AP3B1: variants seen among roughly 807,000 people sequenced by gnomAD.
AP3B1 encodes the protein AP-3 complex subunit beta-1.
AP3B1 carries 61 observed loss-of-function variants against 132.5 expected under a neutral mutation model. That is an observed-to-expected ratio of 0.46 (90% CI 0.37 to 0.57). The LOEUF (loss-of-function observed/expected upper bound fraction) is 0.57, where lower values mean the gene tolerates loss of function less well. Among genes scored for constraint, AP3B1 ranks in the 20% least tolerant of loss-of-function variants. The pLI, the probability that AP3B1 is intolerant of heterozygous loss-of-function variation, is 0.00. For missense variants in AP3B1, 1,120 were observed against 1,289.4 expected, an observed-to-expected ratio of 0.87 and a Z score of 2.01; for synonymous variants, 388 against 438.3, an observed-to-expected ratio of 0.89 and a Z score of 1.43.
chr5:78,233,842 C>T (rs1746761035), intron 3 of AP3B1, among the ~76,000 whole-genome samples: 1 of 151,666 alleles, frequency 6.6e-6, no homozygotes, highest in Admixed American at 6.6e-5. Flanking sequence ...CAAACAGGGG[C>T]ATGTTCCTAA....
In AP3B1 at chr5:78,216,102, T is replaced by G. The variant is rs1271543780; in HGVS notation, c.739A>C (p.Met247Leu). The G allele has an allele frequency of 3.1e-6, 5 of 1,613,932 alleles. No homozygotes were observed. Among genetic ancestry groups the G allele is most frequent in the Non-Finnish European group, 3.4e-6 (4 of 1,179,934 alleles). ...TGTGTCCGAGCATATCGAGTTAGCA[T>G]GTGGATTATGACAACCTGCCCCCAC... The part of the protein sequence containing the change: ...EEWGQVVIIH[M>L]LTRYARTQFV... Residue 247 changes from methionine to leucine, a missense_variant, in exon 7 of 27, where the codon ATG (methionine) becomes CTG (leucine). Physicochemically the swap from Met to Leu is conservative, Grantham distance 15. Around this residue, in one of 3 missense-constraint regions of AP3B1, gnomAD observed 906 missense variants for 997.1 expected, o/e 0.91. Transcript: ENST00000255194.
intron 22 of AP3B1, among the ~76,000 whole-genome samples, chr5:78,058,580 C>A (rs182071201): frequency 1.2e-4 from 19 of 152,164 alleles, no homozygotes; most frequent in Non-Finnish European, 2.1e-4. Context: ...AATTTCCTGA[C>A]CTGAAGCATC....
intron 20 of AP3B1, among the ~76,000 whole-genome samples, chr5:78,101,603 C>T (rs376961971): frequency 1.6e-4 from 24 of 152,158 alleles, no homozygotes; most frequent in African/African-American, 5.5e-4. Flanking sequence ...GACTCACTCA[C>T]TTGATCTACT....
At chr5:78,207,710 G>GA (rs201601408) in intron 7 of AP3B1, among the ~76,000 whole-genome samples, 2,274 of 149,178 alleles carry the variant, frequency 0.015, 57 homozygotes, top group African/African-American at 0.052. Context: ...TTAGCATGCA[G>GA]AAAAAAAAAA....
At chr5:78,193,740 T>TATATA (rs1561469382) in intron 7 of AP3B1, among the ~76,000 whole-genome samples, 3 of 41,728 alleles carry the variant, frequency 7.2e-5, no homozygotes, top group African/African-American at 2.3e-4. Flanking sequence ...TTGTATATAT[T>TATATA]TTTTTATATA....
chr5:78,128,237 A>G lies in AP3B1; in HGVS notation c.1838-77T>C, dbSNP rs115989675. ...AGAGAACAATCATAATCAGAGCTCA[A>G]GGTAATTGGCATATTACCTCAAATG... is the stretch of plus-strand genomic sequence containing the variant. On this transcript the variant is annotated intron_variant, in intron 16 of 26. Coordinates refer to ENST00000255194, the MANE Select transcript of AP3B1 (RefSeq NM_003664.5). The G allele has an allele frequency of 2.1e-3, 2,710 of 1,320,576 alleles. 46 individuals are homozygous for G. In the African/African-American group the frequency reaches 0.035, roughly 17 times the overall value. 81.8% of individuals were successfully genotyped at this position (1,320,576 alleles called of 1,614,324 possible). A position where few individuals can be genotyped will look rare whatever the true frequency, so the allele number is the denominator to read the frequency against.
intron 12 of AP3B1, 35 bp from the exon 13 acceptor site, chr5:78,162,986 G>T (rs371046922): frequency 6.3e-7 from 1 of 1,596,154 alleles, no homozygotes; most frequent in Non-Finnish European, 8.6e-7. Flanking sequence ...TTACACACTG[G>T]TATTATTGAG....
At chr5:78,260,795 C>T (rs991200274) in intron 2 of AP3B1, among the ~76,000 whole-genome samples, 4 of 152,166 alleles carry the variant, frequency 2.6e-5, no homozygotes, top group African/African-American at 7.2e-5. Context: ...CTGGCAACCA[C>T]CATTCCACTT....
Position 78,039,082 on chromosome 5 carries a change from G to GT in AP3B1, c.2769dup (p.Leu924ThrfsTer11). ...ACATGCATTTTCATGCCTATAGGAA[G>GT]TTTTTTTTCCCCTATGTGGATATTT... On this transcript the variant is annotated frameshift_variant, in exon 23 of 27. Coordinates refer to ENST00000255194, the MANE Select transcript of AP3B1 (RefSeq NM_003664.5). LOFTEE classifies it high-confidence loss of function. The GT allele has an allele frequency of 3.1e-6, 5 of 1,609,322 alleles. No homozygotes were observed. The highest frequency in any genetic ancestry group is 4.3e-6 in the Non-Finnish European group (5 of 1,176,370).
At chr5:78,014,166 C>T (rs960559019) in intron 26 of AP3B1, among the ~76,000 whole-genome samples, 8 of 145,870 alleles carry the variant, frequency 5.5e-5, no homozygotes, top group Non-Finnish European at 1.1e-4. Context: ...GTCTCAACAA[C>T]AACAAAAAAG....
At chr5:78,256,951 G>A (rs968722818) in intron 2 of AP3B1, among the ~76,000 whole-genome samples, 1 of 151,952 alleles carries the variant, frequency 6.6e-6, no homozygotes, top group Admixed American at 6.6e-5. Flanking sequence ...CTGAAGAACC[G>A]TTTGATAAAA....
Position 78,156,432 on chromosome 5 carries a change from T to A in AP3B1, c.1364-65A>T, listed in dbSNP as rs550960702. 46 of 1,146,914 alleles carry A rather than the reference T, an allele frequency of 4.0e-5. No individual in the cohort carries two copies. The South Asian group carries it at 5.5e-4, about 14-fold the overall frequency. 71.0% of individuals were successfully genotyped at this position (1,146,914 alleles called of 1,614,324 possible). A position where few individuals can be genotyped will look rare whatever the true frequency, so the allele number is the denominator to read the frequency against. ...TTCAATTCAAATGCAATATGCTTCGTAAAATGTAAACTTAAATTAGAAAAA... is the reference window on the plus strand; with the variant it reads ...TTCAATTCAAATGCAATATGCTTCGAAAAATGTAAACTTAAATTAGAAAAA... On this transcript the variant is annotated intron_variant, in intron 13 of 26. Coordinates refer to ENST00000255194, the MANE Select transcript of AP3B1 (RefSeq NM_003664.5).
At chr5:78,082,316 C>T (rs1003899608) in intron 22 of AP3B1, among the ~76,000 whole-genome samples, 1 of 152,148 alleles carries the variant, frequency 6.6e-6, no homozygotes, top group African/African-American at 2.4e-5. Context: ...TTATCTGTTG[C>T]CAAATCACTA....
chr5:78,091,684 G>C (rs1383978615), intron 21 of AP3B1, among the ~76,000 whole-genome samples: 2 of 152,168 alleles, frequency 1.3e-5, no homozygotes, highest in Non-Finnish European at 2.9e-5. Context: ...ATAAACAAAG[G>C]CTGAGAGGTA....
intron 19 of AP3B1, 51 bp downstream of exon 19, chr5:78,113,701 G>A (rs1483885335): frequency 3.1e-6 from 5 of 1,599,734 alleles, no homozygotes; most frequent in Non-Finnish European, 1.7e-6. Context: ...TCTGCCTGGG[G>A]CAAACTTTCA....
chr5:78,110,475 A>C (rs1331765835), intron 19 of AP3B1, 121 bp from the exon 20 acceptor site: 2 of 691,584 alleles, frequency 2.9e-6, no homozygotes, highest in Admixed American at 3.0e-5. Context: ...TATTACCCAT[A>C]ACCAAATAAA....
intron 7 of AP3B1, among the ~76,000 whole-genome samples, chr5:78,189,321 G>T (rs1292103384): frequency 1.3e-5 from 2 of 151,872 alleles, no homozygotes; most frequent in African/African-American, 2.4e-5. Flanking sequence ...ATAGGTTTTT[G>T]AGTTCACTTC....
chr5:78,133,981 C>G (rs892668099), intron 15 of AP3B1, among the ~76,000 whole-genome samples: 3 of 151,714 alleles, frequency 2.0e-5, no homozygotes, highest in Non-Finnish European at 4.4e-5. Context: ...GAAACCCCAT[C>G]TCTACTAAAA....
At chr5:78,022,071 AATCGACTTTTATTTT>A (rs1339428206) in intron 24 of AP3B1, among the ~76,000 whole-genome samples, 2 of 152,108 alleles carry the variant, frequency 1.3e-5, no homozygotes, top group Non-Finnish European at 2.9e-5. Context: ...AAGAACATAA[AATCGACTTTTATTTT>A]ATGCTATTAT....
Sources: gnomAD v4.1 joint callset for allele counts (sites outside exome capture counted in the v4.1 genomes callset) on GRCh38, gnomAD v4.1.1 for gene constraint, gnomAD v4.1.1 regional missense constraint, MANE v1.5 for transcripts, NCBI Gene and HGNC (gene_info 2026-07-23, HGNC 2026-07-21) for gene names.